The following FBXW7 variants were observed in gnomAD, a reference collection of about 807,000 sequenced individuals.
FBXW7 encodes the protein F-box/WD repeat-containing protein 7.
FBXW7 carries 11 observed loss-of-function variants against 86.3 expected under a neutral mutation model. That is an observed-to-expected ratio of 0.13 (90% confidence interval 0.08 to 0.21). The LOEUF (loss-of-function observed/expected upper bound fraction) is 0.21, where lower values mean the gene tolerates loss of function less well. Ranked by LOEUF, FBXW7 falls within the 10% of genes least tolerant of loss-of-function variation. The pLI, the probability that FBXW7 is intolerant of heterozygous loss-of-function variation, is 1.00. For synonymous variants in FBXW7, 313 were observed against 297.9 expected, an observed-to-expected ratio of 1.05 and a Z score of -0.52; for missense variants, 488 against 847.4, an observed-to-expected ratio of 0.58 and a Z score of 5.27.
chr4:152,396,036 T>C (rs1317518785), intron 4 of FBXW7, among the ~76,000 whole-genome samples: 1 of 152,072 alleles, frequency 6.6e-6, no homozygotes, highest in African/African-American at 2.4e-5. Context: ...CTGGCTCTTA[T>C]ATTTAGTCCA....
At chr4:152,527,091 C>A (rs1749583667) in intron 2 of FBXW7, among the ~76,000 whole-genome samples, 1 of 152,210 alleles carries the variant, frequency 6.6e-6, no homozygotes, top group Admixed American at 6.5e-5. Flanking sequence ...ATGCCAGGCA[C>A]TGGATTAAGA....
In FBXW7 at chr4:152,329,661, A is replaced by G; in HGVS notation, c.1236+11T>C. On this transcript the variant is annotated intron_variant, in intron 10 of 13. Transcript: ENST00000281708. ...TTATGACTTTGTGAAGTGTAGGAAG[A>G]GTAAACTTACTTTGCCTGTGACTGC... 6.9e-7 allele frequency: 1 copy of G among 1,458,758 alleles called. No individual in the cohort carries two copies. The highest frequency in any genetic ancestry group is 9.3e-7 in the Non-Finnish European group (1 of 1,072,184). The allele number at this position is 1,458,758 out of a possible 1,614,324, so 90.4% of individuals were successfully genotyped here. A position where few individuals can be genotyped will look rare whatever the true frequency, so the allele number is the denominator to read the frequency against.
intron 2 of FBXW7, among the ~76,000 whole-genome samples, chr4:152,457,306 T>C (rs1742502114): frequency 6.6e-6 from 1 of 152,194 alleles, no homozygotes; most frequent in African/African-American, 2.4e-5. Flanking sequence ...GATGGTTTCA[T>C]GAGTGCACAT....
At chr4:152,415,416 T>C (rs985493797) in intron 2 of FBXW7, among the ~76,000 whole-genome samples, 1 of 152,124 alleles carries the variant, frequency 6.6e-6, no homozygotes, top group Non-Finnish European at 1.5e-5. Context: ...AAACCAACTG[T>C]ACTGATCATC....
intron 2 of FBXW7, among the ~76,000 whole-genome samples, chr4:152,525,895 T>C (rs1023711458): frequency 1.3e-5 from 2 of 152,354 alleles, no homozygotes; most frequent in East Asian, 3.9e-4. Flanking sequence ...ATTTCCACAA[T>C]GGTTGAACTA....
At chr4:152,340,789 GC>G (rs929184718) in intron 6 of FBXW7, among the ~76,000 whole-genome samples, 4 of 151,998 alleles carry the variant, frequency 2.6e-5, no homozygotes, top group Non-Finnish European at 5.9e-5. Context: ...TTATGTTGTT[GC>G]TTTTTCAACA....
At chr4:152,406,766 A>G (rs1737456921) in intron 4 of FBXW7, among the ~76,000 whole-genome samples, 1 of 152,220 alleles carries the variant, frequency 6.6e-6, no homozygotes, top group Non-Finnish European at 1.5e-5. Flanking sequence ...AGATGGGCCT[A>G]GCTTATTACA....
At chr4:152,408,707 G>T (rs1282762444) in intron 4 of FBXW7, among the ~76,000 whole-genome samples, 1 of 152,170 alleles carries the variant, frequency 6.6e-6, no homozygotes, top group East Asian at 1.9e-4. Context: ...ATCTTGTTCA[G>T]TGATGTTTGT....
intron 3 of FBXW7, among the ~76,000 whole-genome samples, 170 bp downstream of exon 3, chr4:152,412,310 G>C (rs1304325808): frequency 1.3e-5 from 2 of 151,952 alleles, no homozygotes; most frequent in Non-Finnish European, 2.9e-5. Flanking sequence ...AGATTAAAAG[G>C]CTTTTTACCC....
At chr4:152,466,281 C>T (rs951202979) in intron 2 of FBXW7, among the ~76,000 whole-genome samples, 27 of 152,146 alleles carry the variant, frequency 1.8e-4, no homozygotes, top group Non-Finnish European at 1.9e-4. Context: ...ACTGGCTGGG[C>T]GCAGTGGCTC....
intron 2 of FBXW7, among the ~76,000 whole-genome samples, chr4:152,528,824 T>TAA (rs1211113664): frequency 6.6e-6 from 1 of 152,092 alleles, no homozygotes; most frequent in Non-Finnish European, 1.5e-5. Flanking sequence ...AACAGGATAT[T>TAA]AAGTGATATT....
intron 4 of FBXW7, among the ~76,000 whole-genome samples, chr4:152,405,312 A>G (rs1737316212): frequency 6.6e-6 from 1 of 152,160 alleles, no homozygotes; most frequent in South Asian, 2.1e-4. Context: ...AAGCAAGAAC[A>G]GGTTGAAAGG....
chr4:152,338,029 T>TTGA, intron 6 of FBXW7, 93 bp from the exon 7 acceptor site: 11 of 1,326,546 alleles, frequency 8.3e-6, no homozygotes, highest in Non-Finnish European at 1.0e-5. Flanking sequence ...ACAACCATAG[T>TTGA]TGATCAGGGT....
intron 2 of FBXW7, among the ~76,000 whole-genome samples, chr4:152,436,747 G>T (rs1740416092): frequency 6.6e-6 from 1 of 152,006 alleles, no homozygotes; most frequent in Non-Finnish European, 1.5e-5. Context: ...TAAGAATTAG[G>T]CTAAATATAC....
chr4:152,367,683 G>A (rs17276861), intron 4 of FBXW7, among the ~76,000 whole-genome samples: 6,089 of 152,092 alleles, frequency 0.04, 160 homozygotes, highest in Middle Eastern at 0.062. Context: ...AATCTTCAAC[G>A]TAGTCAACAC....
chr4:152,338,610 A>C (rs1730399045), intron 6 of FBXW7, among the ~76,000 whole-genome samples: 2 of 152,066 alleles, frequency 1.3e-5, no homozygotes, highest in African/African-American at 4.8e-5. Context: ...AAAAACACAC[A>C]ATCATGCTTC....
rs1205031553 is a variant in FBXW7, at chr4:152,321,320, C to T, written c.*1561G>A. 4.3e-6 allele frequency: 1 copy of T among 232,662 alleles called. No individual in the cohort carries two copies. The highest frequency in any genetic ancestry group is 6.1e-5 in the East Asian group (1 of 16,454). 14.4% of individuals were successfully genotyped at this position (232,662 alleles called of 1,614,324 possible). ...AAGAAAATAAAATTTCTAAGTGAATCAAACCATAGACACAATCCCTTTAAA... is the reference window on the plus strand; with the variant it reads ...AAGAAAATAAAATTTCTAAGTGAATTAAACCATAGACACAATCCCTTTAAA... On this transcript the variant is annotated 3_prime_UTR_variant, in exon 14 of 14. Coordinates refer to ENST00000281708, the MANE Select transcript of FBXW7 (RefSeq NM_001349798.2).
At chr4:152,366,498 T>G (rs1733489167) in intron 4 of FBXW7, among the ~76,000 whole-genome samples, 1 of 152,184 alleles carries the variant, frequency 6.6e-6, no homozygotes, top group Non-Finnish European at 1.5e-5. Flanking sequence ...ACAAGAAATC[T>G]GAAGCATGAG....
chr4:152,324,720 T>C (rs1728854178), intron 12 of FBXW7: 1 of 254,870 alleles, frequency 3.9e-6, no homozygotes, highest in South Asian at 5.3e-5. Context: ...CCTAGCTATA[T>C]ATCATGGATG....
Sources: gnomAD v4.1 joint callset for allele counts (sites outside exome capture counted in the v4.1 genomes callset) on GRCh38, gnomAD v4.1.1 for gene constraint, MANE v1.5 for transcripts, NCBI Gene and HGNC (gene_info 2026-07-23, HGNC 2026-07-21) for gene names.